SLC18A2: variants seen among roughly 807,000 people sequenced by gnomAD.
SLC18A2 encodes solute carrier family 18 member A2.
SLC18A2 carries 33 observed loss-of-function variants against 59.2 expected under a neutral mutation model. The observed-to-expected ratio is 0.56, with a 90% CI of 0.42 to 0.75. The LOEUF (loss-of-function observed/expected upper bound fraction) is 0.75. Ranked by LOEUF, SLC18A2 falls within the 30% of genes least tolerant of loss-of-function variation. The pLI is 0.00. For synonymous variants in SLC18A2, 228 were observed against 253.5 expected, an observed-to-expected ratio of 0.90 and a Z score of 0.95; for missense variants, 569 against 668.6, an observed-to-expected ratio of 0.85 and a Z score of 1.64.
At position 117,267,689 on chromosome 10, in the gene SLC18A2, A is replaced by G; in HGVS notation, c.1139A>G (p.Asn380Ser). The G allele has an allele frequency of 6.4e-7, 1 of 1,563,966 alleles. No homozygotes were observed. Among genetic ancestry groups the G allele is most frequent in the Non-Finnish European group, 8.8e-7 (1 of 1,141,328 alleles). ...VSILCIPFAKNIYGLIAPNFG... is the reference protein window; with the variant it reads ...VSILCIPFAKSIYGLIAPNFG... ...CTCTTACAGATTCCATTTGCAAAAA[A>G]CATTTATGGACTCATAGCTCCGAAC... Residue 380 changes from asparagine (N) to serine (S), a missense_variant, in exon 13 of 16, where the codon AAC becomes AGC. Asn to Ser is a conservative substitution (Grantham distance 46, BLOSUM62 1). Transcript: ENST00000644641.
Position 117,257,861 on chromosome 10 carries a change from G to GGAGA in SLC18A2, c.961_964dup (p.Thr322ArgfsTer18). 1 of 1,612,402 alleles carries GGAGA rather than the reference G, an allele frequency of 6.2e-7. No homozygotes were observed. Among genetic ancestry groups the GGAGA allele is most frequent in the Non-Finnish European group, 8.5e-7 (1 of 1,179,134 alleles). On this transcript the variant is annotated frameshift_variant, in exon 10 of 16. Coordinates refer to ENST00000644641, the MANE Select transcript of SLC18A2 (RefSeq NM_003054.6). LOFTEE classifies it high-confidence loss of function. ...AGCCAGCCCTGCCCATCTGGATGAT[G>GGAGA]GAGACCATGTGTTCCCGAAAGTGGC...
In SLC18A2 at chr10:117,241,702, G is replaced by C; in HGVS notation, c.9G>C (p.Leu3=). 6.3e-7 allele frequency: 1 copy of C among 1,596,096 alleles called. No individual in the cohort carries two copies. MA[L]SELALVRWLQ... ...AGCGGAGCCCCGGAGCCATGGCCCT[G>C]AGCGAGCTGGCGCTGGTCCGCTGGC... The change falls in exon 2 of 16, where the codon CTG becomes CTC. Residue 3 remains leucine, a synonymous_variant. Coordinates refer to ENST00000644641, the MANE Select transcript of SLC18A2 (RefSeq NM_003054.6).
intron 3 of SLC18A2, among the ~76,000 whole-genome samples, chr10:117,252,249 G>T (rs1844171359): frequency 6.9e-6 from 1 of 144,852 alleles, no homozygotes; most frequent in Non-Finnish European, 1.5e-5. Flanking sequence ...CTCCCAAAGT[G>T]CCAGGATTAC....
At chr10:117,246,161 T>C (rs1248143250) in intron 3 of SLC18A2, among the ~76,000 whole-genome samples, 1 of 152,206 alleles carries the variant, frequency 6.6e-6, no homozygotes, top group Admixed American at 6.5e-5. Context: ...TTTTGTATTC[T>C]GAGAAAGCAA....
Position 117,255,422 on chromosome 10 carries a change from C to G in SLC18A2, c.790+56C>G, listed in dbSNP as rs1041535201. ...GACCTTGGCATCGTGCTGGCACGCG[C>G]TTGGGCCACACCTGCTTTCTGAAGA... On this transcript the variant is annotated intron_variant, in intron 7 of 15. Coordinates refer to ENST00000644641, the MANE Select transcript of SLC18A2 (RefSeq NM_003054.6). 1.5e-5 allele frequency: 24 copies of G among 1,613,958 alleles called. No homozygotes were observed. In the South Asian group the frequency reaches 2.5e-4, roughly 17 times the overall value.
intron 2 of SLC18A2, 98 bp from the exon 3 acceptor site, chr10:117,243,873 A>ACTG (rs751971955): frequency 1.7e-5 from 16 of 956,592 alleles, no homozygotes; most frequent in Non-Finnish European, 2.3e-5. Flanking sequence ...GGTGTGAGCC[A>ACTG]CTGCTCCCTG....
chr10:117,259,177 G>T (rs148288461), intron 10 of SLC18A2, among the ~76,000 whole-genome samples: 162 of 152,230 alleles, frequency 1.1e-3, no homozygotes, highest in African/African-American at 3.9e-3. Flanking sequence ...AGCTATGTAG[G>T]GTACTGTGAT....
At chr10:117,241,458 C>A (rs1014709214) in intron 1 of SLC18A2, among the ~76,000 whole-genome samples, 51 of 152,058 alleles carry the variant, frequency 3.4e-4, no homozygotes, top group Non-Finnish European at 5.0e-4. Context: ...TAGGTTGGGT[C>A]TCCAGATTGG....
chr10:117,254,409 G>A lies in SLC18A2; in HGVS notation c.612G>A (p.Met204Ile). The change falls in exon 6 of 16, where the codon ATG becomes ATA. Residue 204 changes from methionine (M) to isoleucine (I), a missense_variant. Physicochemically the swap from Met to Ile is conservative, Grantham distance 10. Transcript: ENST00000644641. ...ACTATTTCTTTCCCTGTGTAGGGAT[G>A]GGCATGCTTGCCAGTGTCTACACAG... ...IGSSCSSVAG[M>I]GMLASVYTDD... is the part of the protein sequence containing the mutation. 1 of 1,589,094 alleles carries A rather than the reference G, an allele frequency of 6.3e-7. No individual in the cohort carries two copies. Among genetic ancestry groups the A allele is most frequent in the Non-Finnish European group, 8.6e-7 (1 of 1,166,508 alleles).
In SLC18A2 at chr10:117,279,173, T is replaced by A. The variant is rs1844543040; in HGVS notation, c.*1907T>A. On this transcript the variant is annotated 3_prime_UTR_variant, in exon 16 of 16. Coordinates refer to ENST00000644641, the MANE Select transcript of SLC18A2 (RefSeq NM_003054.6). ...GATAGCTTGTACTTGGGGAAAAAAA[T>A]TCTAAGTTCTTTTATATGACTAATA... 6.6e-6 allele frequency: 1 copy of A among 152,132 alleles called. No homozygotes were observed. Among genetic ancestry groups the A allele is most frequent in the South Asian group, 2.1e-4 (1 of 4,824 alleles). The allele number at this position is 152,132 out of a possible 1,614,324, so 9.4% of individuals were successfully genotyped here.
chr10:117,257,968 C>A, intron 10 of SLC18A2, 76 bp downstream of exon 10: 1 of 963,910 alleles, frequency 1.0e-6, no homozygotes, highest in Non-Finnish European at 1.6e-6. Context: ...GGCATCCCTG[C>A]TGAGTTGCCC....
intron 9 of SLC18A2, among the ~76,000 whole-genome samples, chr10:117,257,062 G>T (rs1461680945): frequency 1.3e-5 from 2 of 152,188 alleles, no homozygotes; most frequent in African/African-American, 4.8e-5. Flanking sequence ...GTGTCATGTC[G>T]AATGAACAGA....
intron 9 of SLC18A2, among the ~76,000 whole-genome samples, chr10:117,256,492 A>G (rs1844232502): frequency 1.3e-5 from 2 of 152,304 alleles, no homozygotes; most frequent in South Asian, 4.1e-4. Context: ...GACTTGTCTA[A>G]GCACGGCTCC....
At chr10:117,257,612 G>A (rs1256280277) in intron 9 of SLC18A2, among the ~76,000 whole-genome samples, 185 bp from the exon 10 acceptor site, 1 of 152,178 alleles carries the variant, frequency 6.6e-6, no homozygotes, top group Non-Finnish European at 1.5e-5. Context: ...AAATGAGGAC[G>A]ACGACGACCA....
intron 3 of SLC18A2, among the ~76,000 whole-genome samples, chr10:117,252,998 T>C (rs1432721446): frequency 2.0e-5 from 3 of 152,360 alleles, no homozygotes; most frequent in East Asian, 1.9e-4. Context: ...TACTGCAGTC[T>C]GCCAGTGGAA....
intron 3 of SLC18A2, among the ~76,000 whole-genome samples, chr10:117,250,806 G>T (rs539986093): frequency 6.6e-6 from 1 of 152,202 alleles, no homozygotes; most frequent in Non-Finnish European, 1.5e-5. Context: ...GCCTACAGTC[G>T]TGGGAATGTC....
chr10:117,277,117 TTATGAAACAAGAAGTTAA>T, intron 15 of SLC18A2, 27 bp from the exon 16 acceptor site: 1 of 1,107,962 alleles, frequency 9.0e-7, no homozygotes, highest in Non-Finnish European at 1.3e-6. Flanking sequence ...CATCTTATCT[TTATGAAACAAGAAGTTAA>T]TATACTTGCA....
At chr10:117,268,056 C>T (rs1844369313) in intron 13 of SLC18A2, 1 of 260,752 alleles carries the variant, frequency 3.8e-6, no homozygotes, top group Admixed American at 4.6e-5. Flanking sequence ...TCCCTATGAG[C>T]AGGTCTTCTC....
At position 117,254,440 on chromosome 10, in the gene SLC18A2, G is replaced by A. The variant is rs770170940; in HGVS notation, c.643G>A (p.Glu215Lys). ...GMLASVYTDD[E>K]ERGNVMGIAL... ...GCTTGCCAGTGTCTACACAGATGAT[G>A]AAGAGAGAGGCAACGTCATGGGAAT... The change falls in exon 6 of 16, where the codon GAA (glutamate) becomes AAA (lysine). Residue 215 changes from glutamate (E) to lysine (K), a missense_variant. Transcript: ENST00000644641. 2.4e-5 allele frequency: 39 copies of A among 1,609,976 alleles called. No homozygotes were observed. Among genetic ancestry groups the A allele is most frequent in the Non-Finnish European group, 3.3e-5 (39 of 1,177,696 alleles).
Sources: gnomAD v4.1 joint callset for allele counts (sites outside exome capture counted in the v4.1 genomes callset) on GRCh38, gnomAD v4.1.1 for gene constraint, MANE v1.5 for transcripts, NCBI Gene and HGNC (gene_info 2026-07-23, HGNC 2026-07-21) for gene names.